MYRIP: variants seen among roughly 807,000 people sequenced by gnomAD.
MYRIP encodes the protein myosin VIIA and Rab interacting protein, also known as rab effector MyRIP.
Under a neutral mutation model 98.0 loss-of-function variants are expected in MYRIP, and 49 were observed. The observed-to-expected ratio is 0.50, with a 90% confidence interval of 0.40 to 0.63. The LOEUF is 0.63. MYRIP is among the 30% of genes least tolerant of loss of function. MYRIP has a pLI of 0.00. For synonymous variants in MYRIP, 404 were observed against 409.5 expected (o/e 0.99, Z 0.16); for missense variants, 1,004 against 1,058.2 (o/e 0.95, Z 0.71).
intron 4 of MYRIP, among the ~76,000 whole-genome samples, chr3:40,155,711 G>A (rs1043783896): frequency 2.6e-5 from 4 of 151,894 alleles, no homozygotes; most frequent in Admixed American, 1.3e-4. Flanking sequence ...GTATCTCACT[G>A]TGGTTTTGAT....
chr3:39,935,069 C>G (rs1944627664), intron 2 of MYRIP, among the ~76,000 whole-genome samples: 1 of 152,216 alleles, frequency 6.6e-6, no homozygotes, highest in South Asian at 2.1e-4. Flanking sequence ...TGGGGCTGAT[C>G]TGCCCCTGGC....
At chr3:40,155,635 A>G (rs1950216622) in intron 4 of MYRIP, among the ~76,000 whole-genome samples, 1 of 150,536 alleles carries the variant, frequency 6.6e-6, no homozygotes, top group Admixed American at 6.6e-5. Flanking sequence ...CTATTTCTCC[A>G]CATCCTCTCC....
intron 1 of MYRIP, among the ~76,000 whole-genome samples, chr3:39,869,550 A>G (rs1363494086): frequency 6.6e-6 from 1 of 152,140 alleles, no homozygotes; most frequent in Non-Finnish European, 1.5e-5. Context: ...TACTTCTCTC[A>G]AGATAAGGGA....
intron 2 of MYRIP, among the ~76,000 whole-genome samples, chr3:39,983,158 G>A (rs916242582): frequency 2.6e-5 from 4 of 152,076 alleles, no homozygotes; most frequent in Non-Finnish European, 4.4e-5. Flanking sequence ...TGAAAATGTC[G>A]GCCTGGATTA....
At chr3:39,851,336 T>A (rs1355804443) in intron 1 of MYRIP, among the ~76,000 whole-genome samples, 1 of 152,168 alleles carries the variant, frequency 6.6e-6, no homozygotes, top group African/African-American at 2.4e-5. Context: ...CAGACATTGT[T>A]AAATGTCTCC....
chr3:40,147,173 C>T (rs955880665), intron 3 of MYRIP, among the ~76,000 whole-genome samples: 54 of 151,922 alleles, frequency 3.6e-4, no homozygotes, highest in Admixed American at 1.5e-3. Context: ...ATCTCCTTAC[C>T]TTCTCCTTGG....
chr3:39,908,405 T>C (rs1200835443), intron 2 of MYRIP, among the ~76,000 whole-genome samples: 1 of 152,150 alleles, frequency 6.6e-6, no homozygotes, highest in Admixed American at 6.5e-5. Context: ...ACATCTTCCT[T>C]GCCACCTCCA....
intron 2 of MYRIP, among the ~76,000 whole-genome samples, chr3:39,949,381 C>T (rs1172855675): frequency 6.6e-6 from 1 of 152,094 alleles, no homozygotes; most frequent in African/African-American, 2.4e-5. Flanking sequence ...GTAACTCAGC[C>T]ACTTACTGTG....
In MYRIP at chr3:40,039,685, G is replaced by A. The variant is rs569080016; in HGVS notation, c.111-4365G>A. Among the ~76,000 whole-genome samples the A allele has an allele frequency of 2.6e-3, 400 of 151,426 alleles. 1 individual carries two copies. The highest frequency in any genetic ancestry group is 0.014 in the Middle Eastern group (4 of 294). ...GACTATAAGAGAGTGGTAATTAGATGAGAATATAGTGTTGAGGAAAGTTTG... is the reference window on the plus strand; with the variant it reads ...GACTATAAGAGAGTGGTAATTAGATAAGAATATAGTGTTGAGGAAAGTTTG... On this transcript the variant is annotated intron_variant, in intron 2 of 16. Coordinates refer to ENST00000302541, the MANE Select transcript of MYRIP (RefSeq NM_015460.4).
At chr3:39,992,607 T>A (rs1372500242) in intron 2 of MYRIP, among the ~76,000 whole-genome samples, 1 of 152,200 alleles carries the variant, frequency 6.6e-6, no homozygotes, top group Non-Finnish European at 1.5e-5. Context: ...AGCCAGTCCC[T>A]CTCATTCACA....
intron 3 of MYRIP, among the ~76,000 whole-genome samples, chr3:40,075,789 A>C (rs1948330474): frequency 6.6e-6 from 1 of 152,122 alleles, no homozygotes; most frequent in Admixed American, 6.6e-5. Context: ...GTGGGGGAAA[A>C]GCATAGAAAT....
intron 1 of MYRIP, among the ~76,000 whole-genome samples, chr3:39,824,707 C>T (rs975209555): frequency 2.0e-5 from 3 of 150,014 alleles, no homozygotes; most frequent in African/African-American, 5.0e-5. Flanking sequence ...TCCGACTGAT[C>T]GTTTTTTTTT....
rs541489592 is a variant in MYRIP, at chr3:40,098,953, G to A, written c.333-52095G>A. On this transcript the variant is annotated intron_variant, in intron 3 of 16. Transcript: ENST00000302541. ...TGTGTGTGTGTGTACATTTGATTAG[G>A]AATTTCAAGTCAAGATCTCTTGTTT... Among the ~76,000 whole-genome samples, 195 of 152,108 alleles carry A rather than the reference G, an allele frequency of 1.3e-3. 3 individuals are homozygous for A. Among genetic ancestry groups the A allele is most frequent in the Middle Eastern group, 6.8e-3 (2 of 294 alleles).
At position 40,093,957 on chromosome 3, in the gene MYRIP, T is replaced by TG. The variant is rs532308231; in HGVS notation, c.332+49691dup. 4.3e-3 allele frequency among the ~76,000 whole-genome samples: 651 copies of TG among 152,254 alleles called. 14 individuals carry two copies. The highest frequency in any genetic ancestry group is 7.6e-3 in the Non-Finnish European group (520 of 68,012). On this transcript the variant is annotated intron_variant, in intron 3 of 16. Coordinates refer to ENST00000302541, the MANE Select transcript of MYRIP (RefSeq NM_015460.4). ...TCCCCTCACCCCTCTCTCTTCATAATGGGGGACACTCTGTCTTTCCTACTT... is the reference window on the plus strand; with the variant it reads ...TCCCCTCACCCCTCTCTCTTCATAATGGGGGGACACTCTGTCTTTCCTACTT...
intron 1 of MYRIP, among the ~76,000 whole-genome samples, chr3:39,867,905 C>T (rs2125626274): frequency 6.6e-6 from 1 of 152,266 alleles, no homozygotes; most frequent in East Asian, 1.9e-4. Flanking sequence ...CCTAAGTATC[C>T]ATCAGCAGAT....
At chr3:40,075,504 G>A (rs1017167990) in intron 3 of MYRIP, among the ~76,000 whole-genome samples, 9 of 152,320 alleles carry the variant, frequency 5.9e-5, no homozygotes, top group Non-Finnish European at 1.2e-4. Flanking sequence ...TTTACTAGCT[G>A]TGTAATATGA....
intron 7 of MYRIP, among the ~76,000 whole-genome samples, chr3:40,168,262 T>G (rs1950539285): frequency 2.6e-5 from 4 of 152,250 alleles, no homozygotes. Context: ...GAGCTTACAG[T>G]GGATGGGGTT....
chr3:40,160,703 A>C (rs2371143), intron 4 of MYRIP, among the ~76,000 whole-genome samples: 3 of 150,874 alleles, frequency 2.0e-5, no homozygotes, highest in Non-Finnish European at 4.4e-5. Flanking sequence ...CTAGTGCGCC[A>C]TTTTTTAAGC....
At chr3:40,183,925 A>C (rs1040567562) in intron 9 of MYRIP, among the ~76,000 whole-genome samples, 16 of 152,256 alleles carry the variant, frequency 1.1e-4, no homozygotes, top group Admixed American at 3.3e-4. Context: ...GCAAAGAATC[A>C]GAAAACATTA....
Sources: gnomAD v4.1 joint callset for allele counts (sites outside exome capture counted in the v4.1 genomes callset) on GRCh38, gnomAD v4.1.1 for gene constraint, MANE v1.5 for transcripts, NCBI Gene and HGNC (gene_info 2026-07-23, HGNC 2026-07-21) for gene names.